The following PTPRG variants were observed in gnomAD, a reference collection of about 807,000 sequenced individuals.
PTPRG encodes receptor-type tyrosine-protein phosphatase gamma.
Under a neutral mutation model 165.3 loss-of-function variants are expected in PTPRG, and 102 were observed. The observed-to-expected ratio is 0.62, with a 90% confidence interval of 0.53 to 0.73. The LOEUF is 0.73. Among genes scored for constraint, PTPRG ranks in the 30% least tolerant of loss-of-function variants. The pLI is 0.00. For missense variants in PTPRG, 1,866 were observed against 1,861.4 expected (o/e 1.00, Z -0.05); for synonymous variants, 675 against 669.5 (o/e 1.01, Z -0.13).
At chr3:61,670,844 T>C (rs953268951) in intron 1 of PTPRG, among the ~76,000 whole-genome samples, 2 of 152,208 alleles carry the variant, frequency 1.3e-5, no homozygotes, top group Non-Finnish European at 2.9e-5. Flanking sequence ...GAGACCTTCG[T>C]TGGCATTTTT....
intron 1 of PTPRG, among the ~76,000 whole-genome samples, chr3:61,651,090 T>G (rs1217467151): frequency 2.0e-5 from 3 of 152,080 alleles, no homozygotes; most frequent in African/African-American, 7.2e-5. Context: ...TCTAGAACCC[T>G]GTTCATCAAC....
At chr3:62,049,343 A>G (rs894152709) in intron 4 of PTPRG, among the ~76,000 whole-genome samples, 2 of 152,182 alleles carry the variant, frequency 1.3e-5, no homozygotes, top group African/African-American at 2.4e-5. Flanking sequence ...AGTTAGTGAG[A>G]TGTTTCGCCA....
At position 62,110,200 on chromosome 3, in the gene PTPRG, T is replaced by C. The variant is rs539495940; in HGVS notation, c.616-22402T>C. ...TTACTTGTCAGCAATTCTTTATATA[T>C]TAAATTTTCCCTGCTCAAATTACTG... On this transcript the variant is annotated intron_variant, in intron 5 of 29. Coordinates refer to ENST00000474889, the MANE Select transcript of PTPRG (RefSeq NM_002841.4). 3.3e-5 allele frequency among the ~76,000 whole-genome samples: 5 copies of C among 151,472 alleles called. No homozygotes were observed. The South Asian group carries it at 1.1e-3, about 32-fold the overall frequency.
At chr3:61,668,386 A>G (rs992555076) in intron 1 of PTPRG, among the ~76,000 whole-genome samples, 1 of 152,092 alleles carries the variant, frequency 6.6e-6, no homozygotes, top group Non-Finnish European at 1.5e-5. Flanking sequence ...TCTCTATAGT[A>G]CTCTAGAAAG....
chr3:61,636,291 T>C (rs553059283), intron 1 of PTPRG, among the ~76,000 whole-genome samples: 1 of 152,232 alleles, frequency 6.6e-6, no homozygotes, highest in Non-Finnish European at 1.5e-5. Context: ...ATTTTTATTA[T>C]ACCCGAAAGA....
At chr3:62,065,479 G>A (rs1228578423) in intron 4 of PTPRG, among the ~76,000 whole-genome samples, 2 of 152,162 alleles carry the variant, frequency 1.3e-5, no homozygotes, top group African/African-American at 4.8e-5. Context: ...GTCTTTCAGG[G>A]GGCTTGCAGC....
intron 5 of PTPRG, among the ~76,000 whole-genome samples, chr3:62,096,402 T>G (rs547838367): frequency 6.6e-6 from 1 of 152,322 alleles, no homozygotes; most frequent in African/African-American, 2.4e-5. Context: ...TTTGCTGCTT[T>G]TCTCATTTGA....
chr3:62,062,008 TAGTATGGGGGG>T (rs1282343087), intron 4 of PTPRG, among the ~76,000 whole-genome samples: 3 of 151,404 alleles, frequency 2.0e-5, no homozygotes, highest in Non-Finnish European at 4.4e-5. Context: ...CGTTACAATT[TAGTATGGGGGG>T]GCGGGCGTGG....
rs2040837556 is a variant in PTPRG at position 61,989,670 on chromosome 3, G to T, written c.236G>T (p.Gly79Val). 6.2e-7 allele frequency: 1 copy of T among 1,614,112 alleles called. No homozygotes were observed. Among genetic ancestry groups the T allele is most frequent in the African/African-American group, 1.3e-5 (1 of 75,034 alleles). Residue 79 changes from glycine to valine, a missense_variant, in exon 3 of 30, where the codon GGG (glycine) becomes GTG (valine). This residue lies in a region of PTPRG where 408 missense variants were observed against 376.2 expected (regional missense o/e 1.08). Transcript: ENST00000474889. Reference protein sequence around the residue: ...EHWVTSSVSCGGRHQSPIDIL... With the variant: ...EHWVTSSVSCVGRHQSPIDIL... The stretch of plus-strand genomic sequence containing the variant: ...TGGGTCACGTCTAGTGTCAGCTGTG[G>T]GGGCCGTCACCAGTCTCCTATTGAC...
At chr3:61,960,413 A>G (rs897233129) in intron 2 of PTPRG, among the ~76,000 whole-genome samples, 1 of 152,134 alleles carries the variant, frequency 6.6e-6, no homozygotes, top group Non-Finnish European at 1.5e-5. Flanking sequence ...CTGCCCTGCC[A>G]GGAACATGGC....
intron 1 of PTPRG, among the ~76,000 whole-genome samples, chr3:61,595,947 G>A (rs1386186017): frequency 2.0e-5 from 3 of 152,112 alleles, no homozygotes; most frequent in Admixed American, 6.5e-5. Flanking sequence ...AGGTATTCTT[G>A]AAAAGAAAGC....
At chr3:61,916,932 T>C (rs1469338666) in intron 2 of PTPRG, among the ~76,000 whole-genome samples, 1 of 152,304 alleles carries the variant, frequency 6.6e-6, no homozygotes, top group Non-Finnish European at 1.5e-5. Flanking sequence ...AATGTCAAAA[T>C]AATAAGTCGA....
chr3:62,101,588 C>T (rs529802380), intron 5 of PTPRG, among the ~76,000 whole-genome samples: 15 of 152,372 alleles, frequency 9.8e-5, no homozygotes, highest in African/African-American at 3.4e-4. Flanking sequence ...GACTCTCAGC[C>T]TTCCAGGCCA....
chr3:61,713,924 A>C lies in PTPRG; in HGVS notation c.86-34954A>C, dbSNP rs116261817. On this transcript the variant is annotated intron_variant, in intron 1 of 29. Coordinates refer to ENST00000474889, the MANE Select transcript of PTPRG (RefSeq NM_002841.4). ...TAAAGCATTTGTTGTAATAATTAACAAAGAGATTGCTAGGTTACAAATGAA... is the reference window on the plus strand; with the variant it reads ...TAAAGCATTTGTTGTAATAATTAACCAAGAGATTGCTAGGTTACAAATGAA... 4.3e-3 allele frequency among the ~76,000 whole-genome samples: 659 copies of C among 152,364 alleles called. 6 individuals are homozygous for C. The highest frequency in any genetic ancestry group is 0.015 in the African/African-American group (626 of 41,592).
At chr3:62,165,895 G>A (rs970637289) in intron 7 of PTPRG, among the ~76,000 whole-genome samples, 1 of 152,190 alleles carries the variant, frequency 6.6e-6, no homozygotes, top group African/African-American at 2.4e-5. Context: ...TTGAGAAACA[G>A]TGGGGGTTAG....
intron 1 of PTPRG, among the ~76,000 whole-genome samples, chr3:61,580,165 G>T (rs904829632): frequency 6.6e-6 from 1 of 152,174 alleles, no homozygotes; most frequent in Non-Finnish European, 1.5e-5. Context: ...TGTACTCTGA[G>T]CCAGGCACGG....
In PTPRG at chr3:62,018,912, G is replaced by T. The variant is rs151243636; in HGVS notation, c.519+15415G>T. ...AGCCTGCCCCAGTGCTAGAGGAAAT[G>T]ATTGGAATGGACAGTGGTGTGCAAA... On this transcript the variant is annotated intron_variant, in intron 4 of 29. Coordinates refer to ENST00000474889, the MANE Select transcript of PTPRG (RefSeq NM_002841.4). Among the ~76,000 whole-genome samples the T allele has an allele frequency of 8.1e-4, 124 of 152,316 alleles. 1 individual carries two copies. Among genetic ancestry groups the T allele is most frequent in the African/African-American group, 2.9e-3 (120 of 41,576 alleles).
At chr3:61,877,885 C>A (rs1463001088) in intron 2 of PTPRG, among the ~76,000 whole-genome samples, 1 of 152,152 alleles carries the variant, frequency 6.6e-6, no homozygotes, top group African/African-American at 2.4e-5. Context: ...ATATAGAAGG[C>A]CAGCATAATT....
intron 2 of PTPRG, among the ~76,000 whole-genome samples, chr3:61,798,142 C>G (rs1310655130): frequency 6.6e-6 from 1 of 152,200 alleles, no homozygotes; most frequent in Non-Finnish European, 1.5e-5. Flanking sequence ...TAGGAATAAA[C>G]TCTCTTTCCA....
Sources: allele counts gnomAD v4.1 joint callset (sites outside exome capture counted in the v4.1 genomes callset), GRCh38; gene constraint gnomAD v4.1.1; regional missense constraint gnomAD v4.1.1; transcripts MANE v1.5; gene names NCBI Gene and HGNC (gene_info 2026-07-23, HGNC 2026-07-21).